Variants in EDIL3 observed in about 807,000 individuals in gnomAD.
EDIL3 encodes the protein EGF like and discoidin domains 3, also known as EGF-like repeat and discoidin I-like domain-containing protein 3.
EDIL3 carries 37 observed loss-of-function variants against 67.4 expected under a neutral mutation model. The ratio of observed to expected loss-of-function variants is 0.55; its 90% CI spans 0.42 to 0.72. The LOEUF is 0.72. Ranked by LOEUF, EDIL3 falls within the 30% of genes least tolerant of loss-of-function variation. The pLI is 0.00. For missense variants in EDIL3, 527 were observed against 586.3 expected (o/e 0.90, Z 1.04); for synonymous variants, 195 against 196.3 (o/e 0.99, Z 0.05).
chr5:84,193,722 C>T (rs1743639443), intron 3 of EDIL3, among the ~76,000 whole-genome samples: 1 of 151,912 alleles, frequency 6.6e-6, no homozygotes, highest in South Asian at 2.1e-4. Flanking sequence ...CACATTACTG[C>T]TTTGTGGTAT....
chr5:84,112,091 A>T (rs1025544750), intron 5 of EDIL3, among the ~76,000 whole-genome samples: 3 of 151,972 alleles, frequency 2.0e-5, no homozygotes, highest in Non-Finnish European at 4.4e-5. Context: ...TGAAGTGGAG[A>T]AGTAGAAAAA....
intron 3 of EDIL3, among the ~76,000 whole-genome samples, chr5:84,203,745 A>G (rs1211767643): frequency 3.9e-5 from 6 of 152,214 alleles, no homozygotes; most frequent in Admixed American, 3.9e-4. Context: ...TAGACTCATA[A>G]TAAGACAATA....
chr5:84,209,841 A>G (rs1209486419), intron 3 of EDIL3, among the ~76,000 whole-genome samples: 1 of 152,154 alleles, frequency 6.6e-6, no homozygotes, highest in African/African-American at 2.4e-5. Flanking sequence ...TTTTCATAGC[A>G]ATCTACTGGC....
intron 10 of EDIL3, among the ~76,000 whole-genome samples, chr5:83,953,436 AC>A: frequency 6.6e-6 from 1 of 151,876 alleles, no homozygotes; most frequent in South Asian, 2.1e-4. Context: ...AGAAAAGTAA[AC>A]TTTGCTATTA....
intron 1 of EDIL3, among the ~76,000 whole-genome samples, chr5:84,260,135 A>T (rs1480815229): frequency 6.6e-6 from 1 of 152,224 alleles, no homozygotes; most frequent in Non-Finnish European, 1.5e-5. Context: ...ACATATTCAT[A>T]TGCCACAAAT....
At chr5:84,334,249 A>C (rs1337625804) in intron 1 of EDIL3, among the ~76,000 whole-genome samples, 1 of 151,894 alleles carries the variant, frequency 6.6e-6, no homozygotes, top group Non-Finnish European at 1.5e-5. Flanking sequence ...TTTTTAGTAG[A>C]GACAGAGTTT....
chr5:84,167,260 T>C (rs1017453218), intron 4 of EDIL3, among the ~76,000 whole-genome samples: 1 of 152,052 alleles, frequency 6.6e-6, no homozygotes, highest in Non-Finnish European at 1.5e-5. Context: ...TCTCAGAGCA[T>C]GCAGGAGACA....
intron 1 of EDIL3, among the ~76,000 whole-genome samples, chr5:84,262,385 C>T (rs1000309570): frequency 4.0e-5 from 6 of 151,766 alleles, no homozygotes; most frequent in South Asian, 2.1e-4. Context: ...TTTGTATTTT[C>T]TTGCCTTTAA....
At chr5:84,289,035 A>G (rs1192297264) in intron 1 of EDIL3, among the ~76,000 whole-genome samples, 1 of 152,144 alleles carries the variant, frequency 6.6e-6, no homozygotes, top group Non-Finnish European at 1.5e-5. Flanking sequence ...TTGTAACTGT[A>G]CCTGTCTTAT....
intron 1 of EDIL3, among the ~76,000 whole-genome samples, chr5:84,263,081 A>G (rs887468184): frequency 3.9e-5 from 6 of 152,142 alleles, no homozygotes; most frequent in African/African-American, 1.4e-4. Context: ...ATTACTGCAC[A>G]TATTATAGGG....
chr5:84,101,427 A>T (rs1326046015), intron 6 of EDIL3, among the ~76,000 whole-genome samples: 1 of 152,064 alleles, frequency 6.6e-6, no homozygotes, highest in Non-Finnish European at 1.5e-5. Flanking sequence ...AAAAACTAAT[A>T]AAATAGATAG....
chr5:84,358,283 AC>A (rs1206484229), intron 1 of EDIL3, among the ~76,000 whole-genome samples: 2 of 152,150 alleles, frequency 1.3e-5, no homozygotes, highest in Non-Finnish European at 2.9e-5. Flanking sequence ...AGGCCAGAGA[AC>A]AGTTCTGTTC....
intron 4 of EDIL3, among the ~76,000 whole-genome samples, chr5:84,171,568 T>C (rs754982292): frequency 6.6e-6 from 1 of 152,198 alleles, no homozygotes; most frequent in Non-Finnish European, 1.5e-5. Context: ...CTTTTAATCA[T>C]TTTGGGGTTC....
intron 6 of EDIL3, among the ~76,000 whole-genome samples, chr5:84,079,155 G>C (rs184624641): frequency 1.5e-3 from 228 of 152,148 alleles, no homozygotes; most frequent in Admixed American, 3.7e-3. Flanking sequence ...CATCAGAGAG[G>C]GCAAGGAAGT....
rs761445154 is a variant in EDIL3 at position 84,121,538 on chromosome 5, G to GATCGATCT, written c.470-14709_470-14708insAGATCGAT. On this transcript the variant is annotated intron_variant, in intron 5 of 10. Transcript: ENST00000296591. ...TCTGACCAGTTCACTAACTTAGATC[G>GATCGATCT]ATCTATCTATCTATCTATCTATCTA... Among the ~76,000 whole-genome samples the GATCGATCT allele has an allele frequency of 2.9e-3, 374 of 129,900 alleles. 5 individuals carry two copies. Among genetic ancestry groups the GATCGATCT allele is most frequent in the African/African-American group, 8.9e-3 (331 of 37,100 alleles). The allele number at this position is 129,900 out of a possible 152,430, so 85.2% of individuals were successfully genotyped here. A position where few individuals can be genotyped will look rare whatever the true frequency, so the allele number is the denominator to read the frequency against.
At chr5:84,378,561 A>G (rs1172710708) in intron 1 of EDIL3, among the ~76,000 whole-genome samples, 1 of 152,198 alleles carries the variant, frequency 6.6e-6, no homozygotes, top group Non-Finnish European at 1.5e-5. Flanking sequence ...GGACCCAGAA[A>G]CTTGAAAGCC....
At chr5:84,174,490 C>T (rs1027425342) in intron 4 of EDIL3, among the ~76,000 whole-genome samples, 12 of 152,182 alleles carry the variant, frequency 7.9e-5, no homozygotes, top group African/African-American at 2.4e-5. Context: ...TTTTCCATTG[C>T]ATTAATGATA....
intron 9 of EDIL3, 94 bp downstream of exon 9, chr5:84,060,206 C>A (rs1057219216): frequency 7.1e-7 from 1 of 1,401,214 alleles, no homozygotes; most frequent in Non-Finnish European, 9.7e-7. Flanking sequence ...TTTAAATTAG[C>A]GTGAAGGTAA....
intron 5 of EDIL3, among the ~76,000 whole-genome samples, chr5:84,128,180 T>G (rs1224862669): frequency 6.6e-6 from 1 of 152,124 alleles, no homozygotes; most frequent in Non-Finnish European, 1.5e-5. Flanking sequence ...GCTCCATAGT[T>G]GCCAGTCAAG....
Sources: gnomAD v4.1 joint callset for allele counts (sites outside exome capture counted in the v4.1 genomes callset) on GRCh38, gnomAD v4.1.1 for gene constraint, MANE v1.5 for transcripts, NCBI Gene and HGNC (gene_info 2026-07-23, HGNC 2026-07-21) for gene names.